CRACD: variants seen among roughly 807,000 people sequenced by gnomAD.
CRACD encodes the protein capping protein-inhibiting regulator of actin dynamics.
Under a neutral mutation model 106.8 loss-of-function variants are expected in CRACD, and 56 were observed. The observed-to-expected ratio is 0.52, with a 90% CI of 0.42 to 0.66. The LOEUF (loss-of-function observed/expected upper bound fraction) is 0.66. Ranked by LOEUF, CRACD falls within the 30% of genes least tolerant of loss-of-function variation. The probability of loss-of-function intolerance (pLI) is 0.00; values close to 1 mark genes in which losing one functional copy is unlikely to be tolerated. For missense variants in CRACD, 1,730 were observed against 1,623.2 expected (o/e 1.07, Z -1.13); for synonymous variants, 754 against 670.8 (o/e 1.12, Z -1.92).
At chr4:56,299,747 G>A (rs1242265802) in intron 4 of CRACD, among the ~76,000 whole-genome samples, 1 of 151,914 alleles carries the variant, frequency 6.6e-6, no homozygotes, top group African/African-American at 2.4e-5. Context: ...CTAGCTGCTT[G>A]GAGGGTCTCC....
intron 1 of CRACD, among the ~76,000 whole-genome samples, chr4:56,084,811 T>C (rs1188322525): frequency 6.6e-6 from 1 of 152,226 alleles, no homozygotes; most frequent in Non-Finnish European, 1.5e-5. Flanking sequence ...TGGGAAGTTC[T>C]GTACTGGGGT....
chr4:56,136,875 T>G (rs1735021992), intron 1 of CRACD, among the ~76,000 whole-genome samples: 1 of 152,234 alleles, frequency 6.6e-6, no homozygotes, highest in Admixed American at 6.5e-5. Flanking sequence ...AGAAGTTTTA[T>G]AGTTTGAGTT....
chr4:56,152,239 G>A (rs1027456233), intron 1 of CRACD, among the ~76,000 whole-genome samples: 26 of 151,260 alleles, frequency 1.7e-4, no homozygotes, highest in African/African-American at 6.3e-4. Context: ...GGATGGTCTC[G>A]ATCTCCTGAC....
chr4:56,150,999 T>C (rs1485725576), intron 1 of CRACD, among the ~76,000 whole-genome samples: 4 of 152,112 alleles, frequency 2.6e-5, no homozygotes, highest in Non-Finnish European at 5.9e-5. Context: ...TTTTTATATA[T>C]GTATATATAT....
intron 1 of CRACD, among the ~76,000 whole-genome samples, chr4:56,163,804 G>A (rs1344553397): frequency 6.6e-6 from 1 of 151,670 alleles, no homozygotes. Context: ...GCAGTGCCAT[G>A]GCACAGTCTC....
intron 2 of CRACD, among the ~76,000 whole-genome samples, chr4:56,207,752 A>AT (rs1738200095): frequency 1.3e-5 from 1 of 75,442 alleles, no homozygotes; most frequent in African/African-American, 3.8e-5. Context: ...TCTCATATAT[A>AT]TATATATATA....
At chr4:56,186,227 T>C (rs1737090170) in intron 2 of CRACD, among the ~76,000 whole-genome samples, 1 of 152,194 alleles carries the variant, frequency 6.6e-6, no homozygotes, top group African/African-American at 2.4e-5. Flanking sequence ...CTTGGTCTAA[T>C]AATACAGAAC....
chr4:56,249,626 G>C (rs1270977646), intron 2 of CRACD, among the ~76,000 whole-genome samples: 4 of 152,084 alleles, frequency 2.6e-5, no homozygotes, highest in African/African-American at 9.7e-5. Flanking sequence ...ATCTTTCAAA[G>C]ACTATGAAAG....
At chr4:56,156,285 C>T (rs1372983210) in intron 1 of CRACD, among the ~76,000 whole-genome samples, 1 of 152,154 alleles carries the variant, frequency 6.6e-6, no homozygotes, top group Non-Finnish European at 1.5e-5. Context: ...TTAAAAGTCC[C>T]ACTCACTGTC....
At chr4:56,122,609 A>T (rs946983874) in intron 1 of CRACD, among the ~76,000 whole-genome samples, 10 of 152,152 alleles carry the variant, frequency 6.6e-5, no homozygotes, top group African/African-American at 2.4e-4. Flanking sequence ...TCATGGATGC[A>T]CTTATCTCCT....
intron 2 of CRACD, among the ~76,000 whole-genome samples, chr4:56,217,126 G>A (rs932448352): frequency 7.2e-5 from 11 of 152,218 alleles, no homozygotes; most frequent in Non-Finnish European, 1.5e-5. Flanking sequence ...AGCACTGGCT[G>A]GGGGTCATTG....
At chr4:56,260,233 A>C (rs1741612768) in intron 2 of CRACD, among the ~76,000 whole-genome samples, 1 of 152,182 alleles carries the variant, frequency 6.6e-6, no homozygotes, top group South Asian at 2.1e-4. Flanking sequence ...TTATCATCTA[A>C]CATAAGATAC....
chr4:56,288,858 A>G (rs910266798), intron 3 of CRACD, among the ~76,000 whole-genome samples: 13 of 152,226 alleles, frequency 8.5e-5, no homozygotes, highest in African/African-American at 3.1e-4. Context: ...ACAATAGCCA[A>G]AAAGGAGAAA....
intron 1 of CRACD, among the ~76,000 whole-genome samples, chr4:56,053,778 G>C (rs771399168): frequency 1.3e-5 from 2 of 152,162 alleles, no homozygotes; most frequent in Non-Finnish European, 2.9e-5. Context: ...ATCTGAATTT[G>C]TGTAGATCAT....
At chr4:56,194,510 A>G (rs377266349) in intron 2 of CRACD, among the ~76,000 whole-genome samples, 2 of 152,234 alleles carry the variant, frequency 1.3e-5, no homozygotes, top group African/African-American at 4.8e-5. Flanking sequence ...TGAAATTCAT[A>G]TGTTAAGATG....
chr4:56,091,054 A>C (rs1733409035), intron 1 of CRACD, among the ~76,000 whole-genome samples: 1 of 151,150 alleles, frequency 6.6e-6, no homozygotes, highest in South Asian at 2.1e-4. Flanking sequence ...TTTCTTTTTT[A>C]TTTATTTATT....
intron 1 of CRACD, among the ~76,000 whole-genome samples, chr4:56,065,110 T>C (rs147399580): frequency 2.0e-5 from 3 of 151,986 alleles, no homozygotes; most frequent in African/African-American, 2.4e-5. Flanking sequence ...TTTTTTGAGA[T>C]GGAGTCTTGC....
At chr4:56,307,858 G>A (rs1178268904) in intron 5 of CRACD, among the ~76,000 whole-genome samples, 159 bp downstream of exon 5, 1 of 152,188 alleles carries the variant, frequency 6.6e-6, no homozygotes, top group Non-Finnish European at 1.5e-5. Context: ...GTCCTGACCT[G>A]TAGCCAGTGA....
intron 2 of CRACD, among the ~76,000 whole-genome samples, chr4:56,220,613 C>T (rs542294026): frequency 1.3e-3 from 194 of 151,966 alleles, no homozygotes; most frequent in African/African-American, 4.4e-3. Flanking sequence ...TTTGCAAGCC[C>T]GGCTTTTGAT....
Sources: allele counts gnomAD v4.1 joint callset (sites outside exome capture counted in the v4.1 genomes callset), GRCh38; gene constraint gnomAD v4.1.1; transcripts MANE v1.5; gene names NCBI Gene and HGNC (gene_info 2026-07-23, HGNC 2026-07-21).